Variants in DRAXIN observed in about 807,000 individuals in gnomAD.
The protein encoded by DRAXIN is dorsal repulsive axon guidance protein.
A neutral mutation model predicts 33.9 loss-of-function variants in DRAXIN; 27 were observed. That is an observed-to-expected ratio of 0.80 (90% CI 0.59 to 1.10). The LOEUF (loss-of-function observed/expected upper bound fraction) is 1.10, where lower values mean the gene tolerates loss of function less well. Ranked by LOEUF, DRAXIN falls within the 50% of genes least tolerant of loss-of-function variation. The probability of loss-of-function intolerance (pLI) is 0.00; values close to 1 mark genes in which losing one functional copy is unlikely to be tolerated. For synonymous variants in DRAXIN, 178 were observed against 194.0 expected (o/e 0.92, Z 0.69); for missense variants, 371 against 460.8 (o/e 0.81, Z 1.78).
rs143337024 is a variant in DRAXIN, at chr1:11,711,942, G to C, written c.734G>C (p.Gly245Ala). 2.5e-6 allele frequency: 4 copies of C among 1,613,392 alleles called. No homozygotes were observed. In the East Asian group the frequency reaches 8.9e-5, roughly 36 times the overall value. ...WTDYEDLKPD[G>A]WPSAKKKEKH... is the part of the protein sequence containing the mutation. ...GATTATGAAGACTTAAAACCTGATGGTTGGCCCTCTGCAAAGAAGAAAGGT... is the reference window on the plus strand; with the variant it reads ...GATTATGAAGACTTAAAACCTGATGCTTGGCCCTCTGCAAAGAAGAAAGGT... The change falls in exon 4 of 7, where the codon GGT becomes GCT. Residue 245 changes from glycine (G) to alanine (A), a missense_variant. By Grantham distance (60) the Gly-to-Ala change is moderately conservative. Coordinates refer to ENST00000294485, the MANE Select transcript of DRAXIN (RefSeq NM_198545.4).
intron 1 of DRAXIN, among the ~76,000 whole-genome samples, chr1:11,698,501 A>G (rs1245390187): frequency 6.6e-6 from 1 of 152,178 alleles, no homozygotes; most frequent in East Asian, 1.9e-4. Context: ...CCGTTTCAGG[A>G]AGTGTCCATG....
intron 2 of DRAXIN, 52 bp from the exon 3 acceptor site, chr1:11,709,223 C>A: frequency 1.3e-6 from 2 of 1,534,702 alleles, no homozygotes; most frequent in South Asian, 1.3e-5. Context: ...CTGTAGACTG[C>A]CACGAGGTGG....
rs1281846684 is a variant in DRAXIN, at chr1:11,721,094, G to C, written c.*1398G>C. 2 of 152,160 alleles carry C rather than the reference G, an allele frequency of 1.3e-5. No individual in the cohort carries two copies. Among genetic ancestry groups the C allele is most frequent in the East Asian group, 3.8e-4 (2 of 5,196 alleles). 9.4% of individuals were successfully genotyped at this position (152,160 alleles called of 1,614,324 possible). Reference sequence around the variant, plus strand: ...GACAGGCACTTTACAGTTTTCTGGAGCACTTCCCCCCCAGGGGTTCTGATG... The same window carrying C: ...GACAGGCACTTTACAGTTTTCTGGACCACTTCCCCCCCAGGGGTTCTGATG... On this transcript the variant is annotated 3_prime_UTR_variant, in exon 7 of 7. Transcript: ENST00000294485.
Position 11,705,843 on chromosome 1 carries a change from T to C in DRAXIN, c.-10-406T>C, listed in dbSNP as rs998275909. Among the ~76,000 whole-genome samples the C allele has an allele frequency of 1.3e-5, 2 of 152,198 alleles. No homozygotes were observed. Among genetic ancestry groups the C allele is most frequent in the African/African-American group, 4.8e-5 (2 of 41,444 alleles). On this transcript the variant is annotated intron_variant, in intron 1 of 6. Transcript: ENST00000294485. This position sits in a 1 kb window ranked among gnomAD's most constrained non-coding sequence, Gnocchi z 4.8. ...GTCTCAGGGGCCAGAGGCATATTTC[T>C]GAGCTCTGAGGGACTCGGTTCCCTC...
Position 11,694,001 on chromosome 1 carries a change from G to A in DRAXIN, c.-11+2148G>A, listed in dbSNP as rs1641150785. The stretch of plus-strand genomic sequence containing the variant: ...CTGCCCTCCTCTGAGCTTTTGCTAG[G>A]GCTCTTTCTGCCCTGCCCTGTGTTT... On this transcript the variant is annotated intron_variant, in intron 1 of 6. Coordinates refer to ENST00000294485, the MANE Select transcript of DRAXIN (RefSeq NM_198545.4). This position sits in a 1 kb window ranked among gnomAD's most constrained non-coding sequence, Gnocchi z 4.9. Among the ~76,000 whole-genome samples the A allele has an allele frequency of 6.6e-6, 1 of 152,116 alleles. No homozygotes were observed. Among genetic ancestry groups the A allele is most frequent in the Non-Finnish European group, 1.5e-5 (1 of 68,034 alleles).
rs544774805 is a variant in DRAXIN, at chr1:11,692,399, G to A, written c.-11+546G>A. On this transcript the variant is annotated intron_variant, in intron 1 of 6. Transcript: ENST00000294485. The surrounding 1 kb of genome is among the most constrained non-coding windows in gnomAD (Gnocchi z 5.8). ...GAGGCTGGGGTGTGTGGCCGGGGTC[G>A]CTGAGTGCGCCCGGAACCAGCACCG... Among the ~76,000 whole-genome samples, 7 of 152,238 alleles carry A rather than the reference G, an allele frequency of 4.6e-5. 1 individual carries two copies. The South Asian group carries it at 1.0e-3, about 23-fold the overall frequency.
chr1:11,713,000 C>G (rs538882155), intron 5 of DRAXIN, among the ~76,000 whole-genome samples: 1 of 151,804 alleles, frequency 6.6e-6, no homozygotes, highest in South Asian at 2.1e-4. Flanking sequence ...GAGTTTGAGA[C>G]CAGCCTAACC....
intron 5 of DRAXIN, among the ~76,000 whole-genome samples, chr1:11,713,997 A>C (rs555556163): frequency 6.6e-6 from 1 of 152,120 alleles, no homozygotes; most frequent in Non-Finnish European, 1.5e-5. Flanking sequence ...GCACGACTGC[A>C]CTCTGACAGA....
At chr1:11,693,889 G>A (rs1641148232) in intron 1 of DRAXIN, among the ~76,000 whole-genome samples, 1 of 152,126 alleles carries the variant, frequency 6.6e-6, no homozygotes, top group Non-Finnish European at 1.5e-5. Flanking sequence ...CCTCAGCCCA[G>A]CCTAGCCCTG....
chr1:11,715,332 C>T, intron 6 of DRAXIN, 124 bp downstream of exon 6: 1 of 1,198,420 alleles, frequency 8.3e-7, no homozygotes, highest in Non-Finnish European at 1.2e-6. Flanking sequence ...GATCATGGGC[C>T]TGCGGCGGGG....
intron 6 of DRAXIN, among the ~76,000 whole-genome samples, chr1:11,717,768 G>A (rs1171625952): frequency 6.8e-6 from 1 of 146,086 alleles, no homozygotes; most frequent in Non-Finnish European, 1.5e-5. Context: ...GTGGATCCTT[G>A]AGCCCGGAGT....
At position 11,702,915 on chromosome 1, in the gene DRAXIN, G is replaced by A. The variant is rs369724038; in HGVS notation, c.-10-3334G>A. ...ATGCCATCATGCACGTCTAATTTTT[G>A]TATTTTTAGTAGAGGCGGGGCTTCA... On this transcript the variant is annotated intron_variant, in intron 1 of 6. Transcript: ENST00000294485. Among the ~76,000 whole-genome samples, 26 of 152,268 alleles carry A rather than the reference G, an allele frequency of 1.7e-4. 1 individual carries two copies. The South Asian group carries it at 5.2e-3, about 30-fold the overall frequency.
In DRAXIN at chr1:11,696,984, C is replaced by T. The variant is rs1344989681; in HGVS notation, c.-11+5131C>T. 1.3e-5 allele frequency among the ~76,000 whole-genome samples: 2 copies of T among 149,980 alleles called. No individual in the cohort carries two copies. Among genetic ancestry groups the T allele is most frequent in the African/African-American group, 2.5e-5 (1 of 40,638 alleles). On this transcript the variant is annotated intron_variant, in intron 1 of 6. Transcript: ENST00000294485. This position sits in a 1 kb window ranked among gnomAD's most constrained non-coding sequence, Gnocchi z 4.7. ...CCGTGAGGCAGAAGTTGCAGTGAGC[C>T]GAGATCGTGCCATTGCACTCCAGCC... is the stretch of plus-strand genomic sequence containing the variant.
In DRAXIN at chr1:11,694,532, T is replaced by C. The variant is rs188147100; in HGVS notation, c.-11+2679T>C. On this transcript the variant is annotated intron_variant, in intron 1 of 6. Coordinates refer to ENST00000294485, the MANE Select transcript of DRAXIN (RefSeq NM_198545.4). This position sits in a 1 kb window ranked among gnomAD's most constrained non-coding sequence, Gnocchi z 4.9. The stretch of plus-strand genomic sequence containing the variant: ...TTGGGTTTGAAGCCCAGCTGATCAC[T>C]TAGCAGCTGTGGGACCCAGAGGGAG... 1.2e-4 allele frequency among the ~76,000 whole-genome samples: 18 copies of C among 152,252 alleles called. No homozygotes were observed. Among genetic ancestry groups the C allele is most frequent in the African/African-American group, 4.1e-4 (17 of 41,530 alleles).
In DRAXIN at chr1:11,712,356, A is replaced by T; in HGVS notation, c.774A>T (p.Lys258Asn). 1 of 1,613,824 alleles carries T rather than the reference A, an allele frequency of 6.2e-7. No homozygotes were observed. Among genetic ancestry groups the T allele is most frequent in the Non-Finnish European group, 8.5e-7 (1 of 1,179,942 alleles). Residue 258 changes from lysine (K) to asparagine (N), a missense_variant, in exon 5 of 7, where the codon AAA (lysine) becomes AAT (asparagine). Transcript: ENST00000294485. ...TATCCCCAGAGAAACACCGCGGTAA[A>T]CTCTCCAGTGATGGTAACGAAACAT... ...SAKKKEKHRG[K>N]LSSDGNETSP...
In DRAXIN at chr1:11,712,433, C is replaced by G. The variant is rs772500860; in HGVS notation, c.847+4C>G. 5 of 1,613,998 alleles carry G rather than the reference C, an allele frequency of 3.1e-6. No individual in the cohort carries two copies. In the South Asian group the frequency reaches 5.5e-5, roughly 18 times the overall value. ...CATCACCAAGACTGCCTGCCAGGTA[C>G]CAGCCAGCACCCACATTCAAGGCAC... On this transcript the variant is annotated splice_donor_region_variant and intron_variant, in intron 5 of 6. Transcript: ENST00000294485.
At chr1:11,703,525 C>T (rs1181795540) in intron 1 of DRAXIN, among the ~76,000 whole-genome samples, 1 of 152,210 alleles carries the variant, frequency 6.6e-6, no homozygotes, top group Non-Finnish European at 1.5e-5. Context: ...GGCCACATTA[C>T]ACAAGGTCTT....
chr1:11,708,881 A>G (rs892778562), intron 2 of DRAXIN, among the ~76,000 whole-genome samples: 1 of 152,180 alleles, frequency 6.6e-6, no homozygotes, highest in Admixed American at 6.5e-5. Flanking sequence ...GGCCACTGCA[A>G]TGATTCTCAG....
rs72638653 is a variant in DRAXIN, at chr1:11,719,713, G to T, written c.*17G>T. 1.2e-6 allele frequency: 2 copies of T among 1,608,112 alleles called. No individual in the cohort carries two copies. Among genetic ancestry groups the T allele is most frequent in the South Asian group, 1.1e-5 (1 of 90,700 alleles). ...AACGTCTAGCGGCCCCGCGGGACTG[G>T]GGACTGAGCCCAGGAGGTTTGCACA... On this transcript the variant is annotated 3_prime_UTR_variant, in exon 7 of 7. Coordinates refer to ENST00000294485, the MANE Select transcript of DRAXIN (RefSeq NM_198545.4).
Sources: allele counts gnomAD v4.1 joint callset (sites outside exome capture counted in the v4.1 genomes callset), GRCh38; gene constraint gnomAD v4.1.1; non-coding constraint Gnocchi (gnomAD v3.1); transcripts MANE v1.5; gene names NCBI Gene and HGNC (gene_info 2026-07-23, HGNC 2026-07-21).